The following RPA3 variants were observed in gnomAD, a reference collection of about 807,000 sequenced individuals.
RPA3 encodes replication protein A 14 kDa subunit.
RPA3 carries 24 observed loss-of-function variants against 13.7 expected under a neutral mutation model. That is an observed-to-expected ratio of 1.75 (90% CI 1.27 to 2.46). RPA3 has a LOEUF of 2.46. Among genes scored for constraint, RPA3 ranks in the 30% most tolerant of loss-of-function variants. RPA3 has a pLI of 0.00. For missense variants in RPA3, 183 were observed against 151.0 expected, an observed-to-expected ratio of 1.21 and a Z score of -1.11; for synonymous variants, 59 against 51.2, an observed-to-expected ratio of 1.15 and a Z score of -0.65.
chr7:7,672,620 G>A (rs1389634360), intron 4 of RPA3, among the ~76,000 whole-genome samples: 3 of 152,178 alleles, frequency 2.0e-5, no homozygotes, highest in Non-Finnish European at 2.9e-5. Context: ...GTTCTCATGA[G>A]ATCTGATGGT....
intron 4 of RPA3, among the ~76,000 whole-genome samples, chr7:7,644,465 C>T (rs1024252408): frequency 6.6e-6 from 1 of 151,750 alleles, no homozygotes; most frequent in South Asian, 2.1e-4. Flanking sequence ...TTCTTTGATA[C>T]ATCGTACTCT....
intron 4 of RPA3, among the ~76,000 whole-genome samples, chr7:7,643,667 G>C (rs186494334): frequency 1.3e-5 from 2 of 150,194 alleles, no homozygotes; most frequent in East Asian, 3.9e-4. Context: ...AGCCGAGATC[G>C]CGCCACTTCA....
rs914662542 is a variant in RPA3 at position 7,640,551 on chromosome 7, C to T, written c.-133G>A. The stretch of plus-strand genomic sequence containing the variant: ...GCGCTCCAGCTTCGCCAATTAAATG[C>T]GCGGAAACCTAAATCGCAATCGCGC... On this transcript the variant is annotated 5_prime_UTR_variant, in exon 5 of 8. Coordinates refer to ENST00000223129, the MANE Select transcript of RPA3 (RefSeq NM_002947.5). 1 of 781,014 alleles carries T rather than the reference C, an allele frequency of 1.3e-6. No homozygotes were observed. The allele number at this position is 781,014 out of a possible 1,614,324, so 48.4% of individuals were successfully genotyped here.
intron 4 of RPA3, among the ~76,000 whole-genome samples, chr7:7,678,594 A>G (rs1441564336): frequency 1.5e-5 from 2 of 135,798 alleles, no homozygotes; most frequent in African/African-American, 5.5e-5. Flanking sequence ...ATATTTATAT[A>G]CTTAATTTAT....
intron 4 of RPA3, among the ~76,000 whole-genome samples, chr7:7,667,489 C>T (rs769976648): frequency 1.3e-5 from 2 of 152,124 alleles, no homozygotes; most frequent in Non-Finnish European, 2.9e-5. Context: ...TAAGGATTGC[C>T]TCAGAAATAT....
intron 4 of RPA3, among the ~76,000 whole-genome samples, chr7:7,661,345 C>A (rs1285374017): frequency 6.6e-6 from 1 of 152,048 alleles, no homozygotes; most frequent in Non-Finnish European, 1.5e-5. Flanking sequence ...CATTTTTGTT[C>A]CCTTGCTGCT....
chr7:7,696,251 A>G (rs142716578), intron 2 of RPA3, among the ~76,000 whole-genome samples: 204 of 151,540 alleles, frequency 1.3e-3, no homozygotes, highest in African/African-American at 4.5e-3. Flanking sequence ...CCTTGAACTC[A>G]TACAAGACTC....
chr7:7,715,094 C>T (rs1414857054), intron 2 of RPA3, 81 bp downstream of exon 2: 3 of 152,112 alleles, frequency 2.0e-5, no homozygotes, highest in South Asian at 4.1e-4. Context: ...TAGTGTTTTA[C>T]GAGATGAACT....
At chr7:7,711,979 A>G (rs1242688720) in intron 2 of RPA3, among the ~76,000 whole-genome samples, 2 of 151,760 alleles carry the variant, frequency 1.3e-5, no homozygotes, top group Non-Finnish European at 2.9e-5. Flanking sequence ...GGGATAACCT[A>G]TTTTCTTAGT....
At chr7:7,685,181 C>T (rs1780012566) in intron 4 of RPA3, among the ~76,000 whole-genome samples, 1 of 152,048 alleles carries the variant, frequency 6.6e-6, no homozygotes, top group South Asian at 2.1e-4. Flanking sequence ...GAATGTCTTT[C>T]TGGTAATCTT....
At chr7:7,661,084 C>A (rs1236778003) in intron 4 of RPA3, among the ~76,000 whole-genome samples, 2 of 151,924 alleles carry the variant, frequency 1.3e-5, no homozygotes, top group Non-Finnish European at 2.9e-5. Context: ...CTCTGATATC[C>A]TTTCTTCCAC....
intron 1 of RPA3, among the ~76,000 whole-genome samples, chr7:7,717,874 C>T (rs1266290935): frequency 6.6e-6 from 1 of 152,212 alleles, no homozygotes; most frequent in Non-Finnish European, 1.5e-5. Flanking sequence ...CAAATTGACA[C>T]ATTATGTCAT....
chr7:7,671,400 G>T lies in RPA3; in HGVS notation c.-758+14430C>A, dbSNP rs553869084. 2.0e-5 allele frequency among the ~76,000 whole-genome samples: 3 copies of T among 152,268 alleles called. No individual in the cohort carries two copies. In the South Asian group the frequency reaches 6.2e-4, roughly 32 times the overall value. Reference sequence around the variant, plus strand: ...CTGAACCGTTTTATCCCAAGAGAAAGAATTTACTGAGTGCCACATTAGTCT... The same window carrying T: ...CTGAACCGTTTTATCCCAAGAGAAATAATTTACTGAGTGCCACATTAGTCT... On this transcript the variant is annotated intron_variant, in intron 4 of 7. Transcript: ENST00000223129.
chr7:7,640,518 G>C lies in RPA3; in HGVS notation c.-100C>G, dbSNP rs1784942817. On this transcript the variant is annotated 5_prime_UTR_variant, in exon 5 of 8. Coordinates refer to ENST00000223129, the MANE Select transcript of RPA3 (RefSeq NM_002947.5). ...GGCAGATTTCTCGGCACCAATCAGC[G>C]AAGACTAGCGCTCCAGCTTCGCCAA... The C allele has an allele frequency of 9.5e-7, 1 of 1,053,510 alleles. No homozygotes were observed. Among genetic ancestry groups the C allele is most frequent in the Non-Finnish European group, 1.4e-6 (1 of 692,162 alleles). 65.3% of individuals were successfully genotyped at this position (1,053,510 alleles called of 1,614,324 possible).
chr7:7,653,667 T>C (rs1400610141), intron 4 of RPA3, among the ~76,000 whole-genome samples: 1 of 152,236 alleles, frequency 6.6e-6, no homozygotes, highest in Non-Finnish European at 1.5e-5. Context: ...AGGTGAAGTC[T>C]GACGCTCCCA....
intron 4 of RPA3, among the ~76,000 whole-genome samples, chr7:7,668,856 G>T (rs1779535197): frequency 1.3e-5 from 2 of 152,138 alleles, no homozygotes; most frequent in South Asian, 4.1e-4. Flanking sequence ...AAGCCCTCAA[G>T]GCCTCAGGAG....
intron 4 of RPA3, among the ~76,000 whole-genome samples, chr7:7,667,373 A>G (rs1779491791): frequency 6.6e-6 from 1 of 152,240 alleles, no homozygotes; most frequent in South Asian, 2.1e-4. Flanking sequence ...TCCAGCTGTC[A>G]AGGCCATGCA....
intron 4 of RPA3, among the ~76,000 whole-genome samples, chr7:7,659,516 A>T (rs936313251): frequency 2.0e-5 from 3 of 152,084 alleles, no homozygotes; most frequent in Non-Finnish European, 4.4e-5. Flanking sequence ...TTTTGTTCTC[A>T]TTGGTTTCAA....
rs28916289 is a variant in RPA3 at position 7,641,311 on chromosome 7, A to G, written c.-757-136T>C. On this transcript the variant is annotated intron_variant, in intron 4 of 7. Coordinates refer to ENST00000223129, the MANE Select transcript of RPA3 (RefSeq NM_002947.5). ...CCAATAGAAGCACTTAAGGATGGGT[A>G]ACGGGGAAGAACCACTGGCCAGTAC... 1.2e-3 allele frequency: 181 copies of G among 152,290 alleles called. 1 individual carries two copies. The highest frequency in any genetic ancestry group is 4.2e-3 in the African/African-American group (173 of 41,546). 9.4% of individuals were successfully genotyped at this position (152,290 alleles called of 1,614,324 possible).
Sources: allele counts gnomAD v4.1 joint callset (sites outside exome capture counted in the v4.1 genomes callset), GRCh38; gene constraint gnomAD v4.1.1; transcripts MANE v1.5; gene names NCBI Gene and HGNC (gene_info 2026-07-23, HGNC 2026-07-21).